The following TENM2 variants were observed in gnomAD, a reference collection of about 807,000 sequenced individuals.
TENM2 encodes the protein teneurin transmembrane protein 2, also known as teneurin-2.
A neutral mutation model predicts 245.2 loss-of-function variants in TENM2; 52 were observed. That is an observed-to-expected ratio of 0.21 (90% CI 0.17 to 0.27). The LOEUF is 0.27. Ranked by LOEUF, TENM2 falls within the 10% of genes least tolerant of loss-of-function variation. The probability of loss-of-function intolerance (pLI) is 1.00; values close to 1 mark genes in which losing one functional copy is unlikely to be tolerated. For missense variants in TENM2, 3,046 were observed against 3,666.8 expected, an observed-to-expected ratio of 0.83 and a Z score of 4.37; for synonymous variants, 1,363 against 1,438.9, an observed-to-expected ratio of 0.95 and a Z score of 1.19.
chr5:167,581,844 C>A (rs952415785), intron 2 of TENM2, among the ~76,000 whole-genome samples: 2 of 151,266 alleles, frequency 1.3e-5, no homozygotes, highest in Non-Finnish European at 2.9e-5. Flanking sequence ...AGTTTATGAT[C>A]TAATCTGAAA....
chr5:167,233,092 A>G, the TENM2 span, among the ~76,000 whole-genome samples: 5 of 152,220 alleles, frequency 3.3e-5, no homozygotes, highest in South Asian at 8.3e-4. Context: ...GGCAGCAACA[A>G]TAAATACTCT....
At chr5:167,244,770 CCTTA>C in the TENM2 span, among the ~76,000 whole-genome samples, 3 of 152,018 alleles carry the variant, frequency 2.0e-5, no homozygotes, top group African/African-American at 7.2e-5. Flanking sequence ...GGGTAGAGAG[CCTTA>C]TTTCTAGGGG....
intron 4 of TENM2, among the ~76,000 whole-genome samples, chr5:167,962,911 A>G (rs941172380): frequency 6.6e-5 from 10 of 152,166 alleles, no homozygotes; most frequent in African/African-American, 1.9e-4. Context: ...CCGCATTGTT[A>G]TTAGTTCAGT....
At chr5:167,991,582 A>G (rs991819151) in intron 4 of TENM2, among the ~76,000 whole-genome samples, 1 of 152,224 alleles carries the variant, frequency 6.6e-6, no homozygotes. Context: ...CCTTGGAGCG[A>G]CAGACTCCCG....
At chr5:168,163,505 A>C (rs1400727340) in intron 13 of TENM2, among the ~76,000 whole-genome samples, 2 of 152,216 alleles carry the variant, frequency 1.3e-5, no homozygotes, top group East Asian at 3.8e-4. Flanking sequence ...GGCCAGGCAC[A>C]GTGGCTCACA....
intron 5 of TENM2, among the ~76,000 whole-genome samples, chr5:168,024,467 T>G (rs1786433366): frequency 1.3e-5 from 2 of 152,206 alleles, no homozygotes; most frequent in Admixed American, 1.3e-4. Flanking sequence ...GAAATTCAGT[T>G]GGGGAGTTTC....
At chr5:167,087,773 A>T in the TENM2 span, among the ~76,000 whole-genome samples, 17 of 151,854 alleles carry the variant, frequency 1.1e-4, no homozygotes, top group African/African-American at 3.9e-4. Context: ...AGTGTTTTTT[A>T]TAGGTGGAGC....
intron 2 of TENM2, among the ~76,000 whole-genome samples, chr5:167,542,357 C>T (rs1443591084): frequency 2.0e-5 from 3 of 152,118 alleles, no homozygotes; most frequent in African/African-American, 7.2e-5. Context: ...ACATGGTCTG[C>T]CCCTAGGAGC....
intron 2 of TENM2, among the ~76,000 whole-genome samples, chr5:167,689,375 C>T (rs1229554814): frequency 6.6e-6 from 1 of 152,148 alleles, no homozygotes; most frequent in Non-Finnish European, 1.5e-5. Flanking sequence ...TTCACTGTGT[C>T]CAGTCATTGG....
At position 167,999,205 on chromosome 5, in the gene TENM2, G is replaced by A. The variant is rs575436970; in HGVS notation, c.1186+6023G>A. 1.9e-3 allele frequency among the ~76,000 whole-genome samples: 296 copies of A among 152,240 alleles called. 1 individual carries two copies. The highest frequency in any genetic ancestry group is 6.9e-3 in the African/African-American group (286 of 41,538). On this transcript the variant is annotated intron_variant, in intron 5 of 28. Coordinates refer to ENST00000518659, the Ensembl canonical transcript of TENM2. The stretch of plus-strand genomic sequence containing the variant: ...TCCTCCTGTATGAATTCCAAGTTGT[G>A]TACTTACCTCCCACATCTAAAGGGC...
At chr5:167,071,297 G>A in the TENM2 span, among the ~76,000 whole-genome samples, 2 of 152,098 alleles carry the variant, frequency 1.3e-5, no homozygotes, top group Non-Finnish European at 2.9e-5. Context: ...TAAAGGATCA[G>A]AACTGCACAA....
At chr5:167,957,359 C>G (rs1279501066) in intron 4 of TENM2, among the ~76,000 whole-genome samples, 2 of 152,078 alleles carry the variant, frequency 1.3e-5, no homozygotes, top group Non-Finnish European at 2.9e-5. Flanking sequence ...TTTGATTCTT[C>G]TCTCTTTTCT....
the TENM2 span, among the ~76,000 whole-genome samples, chr5:167,043,112 A>C: frequency 6.6e-6 from 1 of 152,160 alleles, no homozygotes; most frequent in Non-Finnish European, 1.5e-5. Flanking sequence ...TTTTTTAGAT[A>C]ATTGAAGTTA....
rs1195042107 is a variant in TENM2, at chr5:167,622,528, TGAGCCTTGGGACCCATCCTTA to T, written c.502+247058_502+247078del. Among the ~76,000 whole-genome samples, 3 of 152,086 alleles carry T rather than the reference TGAGCCTTGGGACCCATCCTTA, an allele frequency of 2.0e-5. No homozygotes were observed. In the East Asian group the frequency reaches 5.8e-4, roughly 29 times the overall value. On this transcript the variant is annotated intron_variant, in intron 2 of 28. Transcript: ENST00000518659. ...AAGAAAGAATACATAGAATATTAAA[TGAGCCTTGGGACCCATCCTTA>T]GACCCACCATTATTTCTTCCATAAT...
intron 2 of TENM2, among the ~76,000 whole-genome samples, chr5:167,410,151 G>C (rs1176980167): frequency 6.6e-6 from 1 of 151,862 alleles, no homozygotes; most frequent in East Asian, 1.9e-4. Flanking sequence ...GATGATACCA[G>C]CAAACACCTC....
At chr5:167,158,733 C>T in the TENM2 span, among the ~76,000 whole-genome samples, 1 of 152,100 alleles carries the variant, frequency 6.6e-6, no homozygotes, top group African/African-American at 2.4e-5. Context: ...ATGAGGTCTC[C>T]ACCATCATGA....
chr5:168,136,239 C>G (rs1391072317), intron 12 of TENM2, among the ~76,000 whole-genome samples: 1 of 152,100 alleles, frequency 6.6e-6, no homozygotes, highest in Admixed American at 6.6e-5. Flanking sequence ...CGAGTGTGTC[C>G]CACAAATAAG....
chr5:168,077,133 G>A (rs919261286), intron 7 of TENM2, among the ~76,000 whole-genome samples: 5 of 152,124 alleles, frequency 3.3e-5, no homozygotes, highest in South Asian at 2.1e-4. Context: ...CACTTAGAGC[G>A]TGCCTGGCCT....
At chr5:167,629,598 A>T (rs1162979221) in intron 2 of TENM2, among the ~76,000 whole-genome samples, 1 of 152,244 alleles carries the variant, frequency 6.6e-6, no homozygotes, top group Non-Finnish European at 1.5e-5. Context: ...ACTAGAACAT[A>T]AAGCAAGATA....
Sources: gnomAD v4.1 joint callset for allele counts (sites outside exome capture counted in the v4.1 genomes callset) on GRCh38, gnomAD v4.1.1 for gene constraint, MANE v1.5 for transcripts, NCBI Gene and HGNC (gene_info 2026-07-23, HGNC 2026-07-21) for gene names.